The following DYNLRB1 variants were observed in gnomAD, a reference collection of about 807,000 sequenced individuals.
The protein encoded by DYNLRB1 is dynein light chain roadblock-type 1, also known as ROBL/LC7-like 1.
A neutral mutation model predicts 13.5 loss-of-function variants in DYNLRB1; 6 were observed. The observed-to-expected ratio is 0.44, with a 90% confidence interval of 0.24 to 0.88. The LOEUF (loss-of-function observed/expected upper bound fraction) is 0.88. DYNLRB1 is among the 40% of genes least tolerant of loss of function. The probability of loss-of-function intolerance (pLI) is 0.21; values close to 1 mark genes in which losing one functional copy is unlikely to be tolerated. For synonymous variants in DYNLRB1, 43 were observed against 45.0 expected (o/e 0.96, Z 0.18); for missense variants, 93 against 127.2 (o/e 0.73, Z 1.29).
In DYNLRB1 at chr20:34,534,777, G is replaced by A. The variant is rs758719213; in HGVS notation, c.229G>A (p.Glu77Lys). 1.2e-6 allele frequency: 2 copies of A among 1,614,122 alleles called. No homozygotes were observed. The highest frequency in any genetic ancestry group is 3.3e-5 in the Admixed American group (2 of 60,026). Residue 77 changes from glutamate to lysine, a missense_variant, in exon 3 of 4, where the codon GAA (glutamate) becomes AAA (lysine). Transcript: ENST00000357156. ...TFLRIRSKKN[E>K]IMVAPDKDYF... The stretch of plus-strand genomic sequence containing the variant: ...CCTTCGAATTCGCTCCAAGAAAAAT[G>A]AAATTATGGTTGCACCAGGTAAGGG...
intron 2 of DYNLRB1, among the ~76,000 whole-genome samples, chr20:34,532,267 G>A (rs1980769676): frequency 6.6e-6 from 1 of 152,230 alleles, no homozygotes; most frequent in African/African-American, 2.4e-5. Flanking sequence ...AGCCCGCCCA[G>A]CAGCACTTTG....
intron 2 of DYNLRB1, among the ~76,000 whole-genome samples, chr20:34,528,746 C>T (rs1014692492): frequency 2.6e-5 from 4 of 151,872 alleles, no homozygotes; most frequent in Admixed American, 1.3e-4. Flanking sequence ...CATGGCAGGA[C>T]GATTGCTTGA....
At chr20:34,532,048 G>A (rs941473914) in intron 2 of DYNLRB1, among the ~76,000 whole-genome samples, 5 of 152,186 alleles carry the variant, frequency 3.3e-5, no homozygotes, top group Non-Finnish European at 5.9e-5. Flanking sequence ...TCCCGGCCAG[G>A]TAGCAAGAAC....
chr20:34,529,863 C>T (rs1421100262), intron 2 of DYNLRB1: 2 of 1,524,934 alleles, frequency 1.3e-6, no homozygotes, highest in Admixed American at 4.3e-5. Context: ...AGGCTGGGAG[C>T]CCTTGGGACA....
intron 2 of DYNLRB1, chr20:34,526,694 G>A (rs925658291): frequency 2.2e-5 from 6 of 274,990 alleles, no homozygotes; most frequent in South Asian, 6.3e-5. Flanking sequence ...ACTCAGCCTC[G>A]TCCAGCACAG....
intron 2 of DYNLRB1, chr20:34,530,244 G>T: frequency 9.4e-7 from 1 of 1,066,160 alleles, no homozygotes. Flanking sequence ...AGTGAGTGCT[G>T]CTTTTTTGTA....
chr20:34,529,729 C>CA (rs111373342), intron 2 of DYNLRB1: 159,005 of 792,450 alleles, frequency 0.2, 1,714 homozygotes, highest in Non-Finnish European at 0.22. Context: ...AACTCGGTCT[C>CA]AAAAAAAAAA....
At chr20:34,521,222 G>T (rs1258742593) in intron 1 of DYNLRB1, among the ~76,000 whole-genome samples, 1 of 152,166 alleles carries the variant, frequency 6.6e-6, no homozygotes, top group African/African-American at 2.4e-5. Context: ...ATGTTGGCCA[G>T]GCTGGTCTCA....
intron 1 of DYNLRB1, 80 bp from the exon 2 acceptor site, chr20:34,526,188 G>GT: frequency 6.8e-7 from 1 of 1,477,736 alleles, no homozygotes; most frequent in Non-Finnish European, 9.4e-7. Context: ...GAAGACAAAC[G>GT]TATGATTCAT....
chr20:34,535,547 T>C, intron 3 of DYNLRB1: 1 of 835,362 alleles, frequency 1.2e-6, no homozygotes, highest in South Asian at 5.5e-5. Context: ...CCCGGCTCCC[T>C]CGCTCTCACT....
chr20:34,528,831 A>G (rs1980468954), intron 2 of DYNLRB1, among the ~76,000 whole-genome samples: 1 of 152,078 alleles, frequency 6.6e-6, no homozygotes. Flanking sequence ...AAAATTAGGC[A>G]GGTGTGGTGG....
At chr20:34,523,277 C>A (rs1228573800) in intron 1 of DYNLRB1, among the ~76,000 whole-genome samples, 1 of 152,136 alleles carries the variant, frequency 6.6e-6, no homozygotes, top group Non-Finnish European at 1.5e-5. Flanking sequence ...CTGTGTTCGC[C>A]CCCTGCTGTC....
At chr20:34,524,552 C>A (rs1980018663) in intron 1 of DYNLRB1, among the ~76,000 whole-genome samples, 1 of 152,110 alleles carries the variant, frequency 6.6e-6, no homozygotes, top group African/African-American at 2.4e-5. Context: ...CTATTGTGCC[C>A]CACTCCTCCC....
chr20:34,517,002 T>C (rs1979281645), intron 1 of DYNLRB1: 6 of 1,243,058 alleles, frequency 4.8e-6, no homozygotes, highest in Non-Finnish European at 6.1e-6. Context: ...CGGCCGCCAC[T>C]CTGTCGGCGT....
At chr20:34,529,574 C>CA (rs1980534132) in intron 2 of DYNLRB1, among the ~76,000 whole-genome samples, 1 of 151,864 alleles carries the variant, frequency 6.6e-6, no homozygotes, top group African/African-American at 2.4e-5. Flanking sequence ...ACTAAAAATA[C>CA]AAAAATTAGC....
chr20:34,539,994 G>A (rs1305777325), intron 3 of DYNLRB1, among the ~76,000 whole-genome samples: 3 of 151,976 alleles, frequency 2.0e-5, no homozygotes, highest in Non-Finnish European at 4.4e-5. Flanking sequence ...AAGAGAGAGA[G>A]AAAAAAGAAA....
intron 2 of DYNLRB1, 110 bp downstream of exon 2, chr20:34,526,453 A>C: frequency 1.3e-6 from 1 of 749,972 alleles, no homozygotes. Flanking sequence ...ATCTAATTTT[A>C]GGCCTTTTTA....
rs1442947848 is a variant in DYNLRB1, at chr20:34,526,659, G to T, written c.79+316G>T. Reference sequence around the variant, plus strand: ...TCCGCTCAATCCCACCACCCTGACAGATCACACTTCAGTCTTCCATGCTTA... The same window carrying T: ...TCCGCTCAATCCCACCACCCTGACATATCACACTTCAGTCTTCCATGCTTA... On this transcript the variant is annotated intron_variant, in intron 2 of 3. Transcript: ENST00000357156. 3 of 348,898 alleles carry T rather than the reference G, an allele frequency of 8.6e-6. No homozygotes were observed. In the East Asian group the frequency reaches 1.6e-4, roughly 19 times the overall value. The allele number at this position is 348,898 out of a possible 1,614,324, so 21.6% of individuals were successfully genotyped here.
At chr20:34,517,973 T>C (rs73259114) in intron 1 of DYNLRB1, among the ~76,000 whole-genome samples, 2,806 of 152,290 alleles carry the variant, frequency 0.018, 80 homozygotes, top group African/African-American at 0.055. Context: ...TGATGGACGC[T>C]AATTCCATAA....
Sources: allele counts gnomAD v4.1 joint callset (sites outside exome capture counted in the v4.1 genomes callset), GRCh38; gene constraint gnomAD v4.1.1; transcripts MANE v1.5; gene names NCBI Gene and HGNC (gene_info 2026-07-23, HGNC 2026-07-21).